Variants in ABCC5 observed in about 807,000 individuals in gnomAD.
The protein encoded by ABCC5 is ATP binding cassette subfamily C member 5.
ABCC5 carries 61 observed loss-of-function variants against 160.9 expected under a neutral mutation model. The observed-to-expected ratio is 0.38, with a 90% CI of 0.31 to 0.47. The LOEUF (loss-of-function observed/expected upper bound fraction) is 0.47. Among genes scored for constraint, ABCC5 ranks in the 20% least tolerant of loss-of-function variants. ABCC5 has a pLI of 0.99. For missense variants in ABCC5, 1,308 were observed against 1,813.3 expected (o/e 0.72, Z 5.06); for synonymous variants, 666 against 700.6 (o/e 0.95, Z 0.78).
intron 26 of ABCC5, among the ~76,000 whole-genome samples, chr3:183,934,169 G>A (rs1414738219): frequency 6.6e-6 from 1 of 152,192 alleles, no homozygotes; most frequent in Non-Finnish European, 1.5e-5. Flanking sequence ...AGCTGGGCAT[G>A]GTGGCCCATG....
At chr3:183,925,987 C>T (rs1399765894) in intron 28 of ABCC5, among the ~76,000 whole-genome samples, 1 of 150,578 alleles carries the variant, frequency 6.6e-6, no homozygotes, top group African/African-American at 2.4e-5. Flanking sequence ...TACAGGCGCC[C>T]GCCACCACGC....
chr3:183,945,743 T>C (rs1223215916), intron 24 of ABCC5, 107 bp downstream of exon 24: 8 of 832,544 alleles, frequency 9.6e-6, no homozygotes, highest in Admixed American at 3.5e-5. Context: ...TGGGATTAGA[T>C]AGGCAGAGAA....
chr3:184,014,517 TA>T (rs1722027547), intron 1 of ABCC5, 70 bp from the exon 2 acceptor site: 1 of 844,538 alleles, frequency 1.2e-6, no homozygotes, highest in East Asian at 3.8e-5. Context: ...TCAAGTGCCT[TA>T]AAAATAGGAA....
Position 183,988,832 on chromosome 3 carries a change from G to C in ABCC5, c.288-105C>G. On this transcript the variant is annotated intron_variant, in intron 3 of 29. Coordinates refer to ENST00000334444, the MANE Select transcript of ABCC5 (RefSeq NM_005688.4). The surrounding 1 kb of genome is among the most constrained non-coding windows in gnomAD (Gnocchi z 4.4). ...GAACACAGCTCTTAGCTAAAGACCA[G>C]TCTCCCCAGATGATCTAATCTTAGC... The C allele has an allele frequency of 7.7e-7, 1 of 1,296,142 alleles. No individual in the cohort carries two copies. The allele number at this position is 1,296,142 out of a possible 1,614,324, so 80.3% of individuals were successfully genotyped here. A position where few individuals can be genotyped will look rare whatever the true frequency, so the allele number is the denominator to read the frequency against.
In ABCC5 at chr3:183,982,109, T is replaced by C. The variant is rs1485193547; in HGVS notation, c.1000-235A>G. On this transcript the variant is annotated intron_variant, in intron 7 of 29. Transcript: ENST00000334444. This position sits in a 1 kb window ranked among gnomAD's most constrained non-coding sequence, Gnocchi z 5.2. ...AAGACAAGAAAGTATTTATTCTCAA[T>C]AGTGACCACAGAGACTGAGTGCTTC... Among the ~76,000 whole-genome samples the C allele has an allele frequency of 6.6e-6, 1 of 152,172 alleles. No homozygotes were observed. The highest frequency in any genetic ancestry group is 2.4e-5 in the African/African-American group (1 of 41,440).
rs751743293 is a variant in ABCC5, at chr3:183,947,419, T to C, written c.3319A>G (p.Ile1107Val). The C allele has an allele frequency of 8.1e-6, 13 of 1,613,826 alleles. 1 individual carries two copies. The South Asian group carries it at 1.4e-4, about 18-fold the overall frequency. Residue 1107 changes from isoleucine (I) to valine (V), a missense_variant, in exon 23 of 30, where the codon ATC becomes GTC. Physicochemically the swap from Ile to Val is conservative, Grantham distance 29. Around this residue, in one of 3 missense-constraint regions of ABCC5, gnomAD observed 1,142 missense variants for 1,527.1 expected, o/e 0.75. Transcript: ENST00000334444. The stretch of plus-strand genomic sequence containing the variant: ...AGCCCCGTGGTGGTGATGAGGGCGA[T>C]GCTGATGAGGTCCAGCCGCACAGCC... ...WLAVRLDLIS[I>V]ALITTTGLMI...
At chr3:183,940,848 GTTA>G (rs34025610) in intron 25 of ABCC5, among the ~76,000 whole-genome samples, 5 of 150,900 alleles carry the variant, frequency 3.3e-5, no homozygotes, top group Admixed American at 6.6e-5. Context: ...TGTAAATCAG[GTTA>G]TTATTATTAT....
intron 26 of ABCC5, among the ~76,000 whole-genome samples, chr3:183,933,163 CT>C (rs1422314191): frequency 2.0e-5 from 2 of 98,998 alleles, no homozygotes; most frequent in African/African-American, 8.7e-5. Context: ...GCGAGACTGT[CT>C]CAAAAAAAAA....
intron 2 of ABCC5, among the ~76,000 whole-genome samples, chr3:183,995,591 A>T (rs1720205595): frequency 6.6e-6 from 1 of 152,128 alleles, no homozygotes; most frequent in Non-Finnish European, 1.5e-5. Flanking sequence ...AAAGTTGGCC[A>T]TGCCTGTGTG....
At chr3:184,006,251 A>T (rs1160220325) in intron 2 of ABCC5, 2 of 151,494 alleles carry the variant, frequency 1.3e-5, no homozygotes, top group Non-Finnish European at 2.9e-5. Context: ...GCAGCGCCTA[A>T]GAGACTACTG....
At chr3:184,004,900 C>T (rs913714551) in intron 2 of ABCC5, among the ~76,000 whole-genome samples, 2 of 152,176 alleles carry the variant, frequency 1.3e-5, no homozygotes, top group South Asian at 2.1e-4. Flanking sequence ...ATTTCCACCA[C>T]ATAAATATAG....
rs1434102350 is a variant in ABCC5, at chr3:183,951,203, T to C, written c.2944+238A>G. On this transcript the variant is annotated intron_variant, in intron 20 of 29. Transcript: ENST00000334444. The surrounding 1 kb of genome is among the most constrained non-coding windows in gnomAD (Gnocchi z 4.7). Reference sequence around the variant, plus strand: ...CCAATGCATTGCTTTAAAATCTGTGTGTGTTTCAGAATCTCAGATGCCTCT... The same window carrying C: ...CCAATGCATTGCTTTAAAATCTGTGCGTGTTTCAGAATCTCAGATGCCTCT... Among the ~76,000 whole-genome samples, 1 of 152,224 alleles carries C rather than the reference T, an allele frequency of 6.6e-6. No individual in the cohort carries two copies. The highest frequency in any genetic ancestry group is 1.5e-5 in the Non-Finnish European group (1 of 68,032).
intron 2 of ABCC5, among the ~76,000 whole-genome samples, chr3:183,996,959 A>C (rs897140023): frequency 6.6e-6 from 1 of 152,202 alleles, no homozygotes; most frequent in Non-Finnish European, 1.5e-5. Flanking sequence ...TCTGATGGAA[A>C]TACAGGATAT....
At chr3:183,961,462 T>C in intron 16 of ABCC5, 49 bp downstream of exon 16, 1 of 1,602,368 alleles carries the variant, frequency 6.2e-7, no homozygotes, top group South Asian at 1.1e-5. Context: ...CGGCTGTGTT[T>C]CCCTTGCAGA....
rs569136903 is a variant in ABCC5 at position 184,015,951 on chromosome 3, T to C, written c.-55-1504A>G. 7.0e-4 allele frequency among the ~76,000 whole-genome samples: 106 copies of C among 152,356 alleles called. 1 individual carries two copies. Among genetic ancestry groups the C allele is most frequent in the African/African-American group, 2.5e-3 (104 of 41,582 alleles). On this transcript the variant is annotated intron_variant, in intron 1 of 29. Transcript: ENST00000334444. ...ATCTGGAAGAGGAAAAGATTAGTAC[T>C]ACCTTTTTAAAAGGTGGGGGTTGGG...
chr3:183,996,456 CTTTT>C (rs1176157536), intron 2 of ABCC5, among the ~76,000 whole-genome samples: 2 of 152,042 alleles, frequency 1.3e-5, no homozygotes, highest in Non-Finnish European at 2.9e-5. Flanking sequence ...GGTTTTTGTT[CTTTT>C]TACTATATAT....
chr3:183,977,385 TACCAAC>T, intron 10 of ABCC5, 126 bp downstream of exon 10: 2 of 579,046 alleles, frequency 3.5e-6, no homozygotes, highest in Non-Finnish European at 6.1e-6. Context: ...CCCTTTTTCT[TACCAAC>T]TTGCCAAAAG....
chr3:183,929,112 A>AT (rs1423535572), intron 26 of ABCC5, among the ~76,000 whole-genome samples: 5 of 151,992 alleles, frequency 3.3e-5, no homozygotes, highest in African/African-American at 1.2e-4. Context: ...ATCCTTCTAG[A>AT]TTTTTTCCTG....
chr3:184,012,184 T>G (rs1721809580), intron 2 of ABCC5, among the ~76,000 whole-genome samples: 1 of 152,048 alleles, frequency 6.6e-6, no homozygotes, highest in South Asian at 2.1e-4. Context: ...ATATATAGGA[T>G]CTCTATATTA....
Sources: gnomAD v4.1 joint callset for allele counts (sites outside exome capture counted in the v4.1 genomes callset) on GRCh38, gnomAD v4.1.1 for gene constraint, gnomAD v4.1.1 regional missense constraint, Gnocchi (gnomAD v3.1) non-coding constraint, MANE v1.5 for transcripts, NCBI Gene and HGNC (gene_info 2026-07-23, HGNC 2026-07-21) for gene names.